Variants in TBCD observed in about 807,000 individuals in gnomAD.
TBCD encodes tubulin-specific chaperone D.
TBCD carries 105 observed loss-of-function variants against 169.3 expected under a neutral mutation model. The observed-to-expected ratio is 0.62, with a 90% CI of 0.53 to 0.73. The LOEUF is 0.73. TBCD is among the 30% of genes least tolerant of loss of function. The pLI, the probability that TBCD is intolerant of heterozygous loss-of-function variation, is 0.00. For synonymous variants in TBCD, 700 were observed against 643.9 expected (o/e 1.09, Z -1.32); for missense variants, 1,444 against 1,600.1 (o/e 0.90, Z 1.66).
chr17:82,907,520 A>G (rs2060334348), intron 20 of TBCD, among the ~76,000 whole-genome samples: 1 of 152,224 alleles, frequency 6.6e-6, no homozygotes, highest in Non-Finnish European at 1.5e-5. Context: ...CCATCTCTAA[A>G]ATAACAAAAG....
chr17:82,909,349 T>G, intron 22 of TBCD, 42 bp downstream of exon 22: 1 of 1,490,830 alleles, frequency 6.7e-7, no homozygotes. Flanking sequence ...TGTGTCCTAA[T>G]GAAGAACTGC....
At chr17:82,931,707 G>T (rs1272450925) in intron 33 of TBCD, among the ~76,000 whole-genome samples, 1 of 152,216 alleles carries the variant, frequency 6.6e-6, no homozygotes, top group Non-Finnish European at 1.5e-5. Context: ...GGGCTGCGGA[G>T]CCCAGCTCTC....
chr17:82,791,245 C>T (rs564199736), intron 7 of TBCD, among the ~76,000 whole-genome samples: 1 of 152,220 alleles, frequency 6.6e-6, no homozygotes, highest in East Asian at 1.9e-4. Flanking sequence ...GCACCCTCCA[C>T]CACGCCTGGC....
chr17:82,790,056 C>T (rs968011919), intron 7 of TBCD, among the ~76,000 whole-genome samples: 1 of 152,170 alleles, frequency 6.6e-6, no homozygotes, highest in East Asian at 1.9e-4. Context: ...CATGTGGCTG[C>T]GCCGCCACCC....
chr17:82,900,488 C>G lies in TBCD; in HGVS notation c.1650-163C>G, dbSNP rs539384270. 1.1e-4 allele frequency: 66 copies of G among 619,548 alleles called. No individual in the cohort carries two copies. In the African/African-American group the frequency reaches 1.1e-3, roughly 11 times the overall value. The allele number at this position is 619,548 out of a possible 1,614,324, so 38.4% of individuals were successfully genotyped here. On this transcript the variant is annotated intron_variant, in intron 17 of 38. Transcript: ENST00000355528. ...TAAAGCCCGTGTGTGCACAGATGCTCTTTTCTTTTGGGTAACTGCTCAGGA... is the reference window on the plus strand; with the variant it reads ...TAAAGCCCGTGTGTGCACAGATGCTGTTTTCTTTTGGGTAACTGCTCAGGA...
intron 1 of TBCD, among the ~76,000 whole-genome samples, chr17:82,754,892 A>C (rs2047319786): frequency 6.6e-6 from 1 of 152,176 alleles, no homozygotes. Flanking sequence ...TGTGGAAGGG[A>C]GCAGTGCCTG....
chr17:82,753,900 C>G (rs1214472892), intron 1 of TBCD, among the ~76,000 whole-genome samples: 4 of 143,610 alleles, frequency 2.8e-5, no homozygotes, highest in Non-Finnish European at 4.5e-5. Flanking sequence ...CGGAGTCTCA[C>G]TTTGTCCCCC....
Position 82,831,260 on chromosome 17 carries a change from T to G in TBCD, c.1318+16326T>G. The G allele has an allele frequency of 6.2e-7, 1 of 1,613,916 alleles. No homozygotes were observed. The highest frequency in any genetic ancestry group is 2.2e-5 in the East Asian group (1 of 44,874). ...GCACTCCCTGCGCGGGGGCTCATTT[T>G]GGACCCTTCCGTGTCTCTCTGCCCA... On this transcript the variant is annotated intron_variant, in intron 13 of 38. Transcript: ENST00000355528. This position sits in a 1 kb window ranked among gnomAD's most constrained non-coding sequence, Gnocchi z 4.6.
At chr17:82,855,196 C>T (rs1178298384) in intron 13 of TBCD, among the ~76,000 whole-genome samples, 1 of 138,742 alleles carries the variant, frequency 7.2e-6, no homozygotes, top group East Asian at 2.3e-4. Flanking sequence ...CCTGATGCTT[C>T]AAGACTGAAT....
At chr17:82,909,623 G>A (rs6502012) in intron 22 of TBCD, among the ~76,000 whole-genome samples, 44,865 of 139,554 alleles carry the variant, frequency 0.32, 7,394 homozygotes, top group African/African-American at 0.48. Context: ...TTGTGTGATT[G>A]GGTTGAGTGG....
intron 9 of TBCD, among the ~76,000 whole-genome samples, chr17:82,803,433 T>C (rs986868124): frequency 1.3e-5 from 2 of 152,234 alleles, no homozygotes; most frequent in African/African-American, 4.8e-5. Context: ...TCTCGCCTTG[T>C]GCTTCCTTAT....
chr17:82,804,964 A>G (rs1203280963), intron 9 of TBCD, among the ~76,000 whole-genome samples: 2 of 152,222 alleles, frequency 1.3e-5, no homozygotes, highest in East Asian at 1.9e-4. Context: ...GCCAAAGCCT[A>G]AGCTGTTTGT....
intron 12 of TBCD, among the ~76,000 whole-genome samples, chr17:82,811,464 A>G (rs540088840): frequency 6.6e-6 from 1 of 152,216 alleles, no homozygotes; most frequent in Admixed American, 6.5e-5. Flanking sequence ...TAATGTGCTC[A>G]TTCCATTTTT....
chr17:82,836,550 G>T lies in TBCD; in HGVS notation c.1318+21616G>T, dbSNP rs75062994. 3.0e-3 allele frequency among the ~76,000 whole-genome samples: 460 copies of T among 152,076 alleles called. 2 individuals are homozygous for T. The highest frequency in any genetic ancestry group is 0.011 in the African/African-American group (447 of 41,516). On this transcript the variant is annotated intron_variant, in intron 13 of 38. Coordinates refer to ENST00000355528, the MANE Select transcript of TBCD (RefSeq NM_005993.5). ...ATTGAGGACTTCAGTTTTCGAAGCCGCATTATTTCACATTGCTGATACCTC... is the reference window on the plus strand; with the variant it reads ...ATTGAGGACTTCAGTTTTCGAAGCCTCATTATTTCACATTGCTGATACCTC...
intron 21 of TBCD, among the ~76,000 whole-genome samples, chr17:82,908,643 G>A (rs976711168): frequency 1.3e-5 from 2 of 152,200 alleles, no homozygotes; most frequent in Non-Finnish European, 2.9e-5. Context: ...TTAATGTGGT[G>A]TCTGGCCTCC....
intron 37 of TBCD, among the ~76,000 whole-genome samples, chr17:82,940,519 A>G (rs933602504): frequency 3.3e-5 from 5 of 152,202 alleles, no homozygotes; most frequent in Non-Finnish European, 5.9e-5. Context: ...ACCTTCCAAC[A>G]GGGCTGGGTT....
At chr17:82,830,010 T>C (rs1598765361) in intron 13 of TBCD, 1 of 1,409,268 alleles carries the variant, frequency 7.1e-7, no homozygotes, top group Non-Finnish European at 9.7e-7. Flanking sequence ...TTTGTTTGTT[T>C]GTTTGTTTTT....
At chr17:82,807,739 A>G in intron 11 of TBCD, 71 bp downstream of exon 11, 4 of 1,245,268 alleles carry the variant, frequency 3.2e-6, no homozygotes, top group Non-Finnish European at 4.2e-6. Context: ...AGCAGCTACA[A>G]ATACCCAACA....
At position 82,884,057 on chromosome 17, in the gene TBCD, C is replaced by A; in HGVS notation, c.1476-88C>A. ...GTCTGAACCTCAAGTGGGCCTGAGTCGTGAGAGAAAGGCTTTCTCATCGAT... is the reference window on the plus strand; with the variant it reads ...GTCTGAACCTCAAGTGGGCCTGAGTAGTGAGAGAAAGGCTTTCTCATCGAT... On this transcript the variant is annotated intron_variant, in intron 14 of 38. Transcript: ENST00000355528. This position sits in a 1 kb window ranked among gnomAD's most constrained non-coding sequence, Gnocchi z 4.2. 1 of 1,321,346 alleles carries A rather than the reference C, an allele frequency of 7.6e-7. No individual in the cohort carries two copies. Among genetic ancestry groups the A allele is most frequent in the Non-Finnish European group, 1.1e-6 (1 of 943,142 alleles). The allele number at this position is 1,321,346 out of a possible 1,614,324, so 81.9% of individuals were successfully genotyped here.
Sources: allele counts gnomAD v4.1 joint callset (sites outside exome capture counted in the v4.1 genomes callset), GRCh38; gene constraint gnomAD v4.1.1; non-coding constraint Gnocchi (gnomAD v3.1); transcripts MANE v1.5; gene names NCBI Gene and HGNC (gene_info 2026-07-23, HGNC 2026-07-21).